The following NLRP7 variants were observed in gnomAD, a reference collection of about 807,000 sequenced individuals.
NLRP7 encodes NLR family pyrin domain containing 7, also known as NACHT, LRR and PYD domains-containing protein 7.
Under a neutral mutation model 85.5 loss-of-function variants are expected in NLRP7, and 72 were observed. The ratio of observed to expected loss-of-function variants is 0.84; its 90% CI spans 0.70 to 1.02. The LOEUF (loss-of-function observed/expected upper bound fraction) is 1.02, where lower values mean the gene tolerates loss of function less well. NLRP7 is among the 50% of genes least tolerant of loss of function. NLRP7 has a pLI of 0.00. For missense variants in NLRP7, 1,243 were observed against 1,219.5 expected (o/e 1.02, Z -0.29); for synonymous variants, 550 against 505.2 (o/e 1.09, Z -1.19).
upstream of NLRP7, among the ~76,000 whole-genome samples, chr19:54,949,275 A>T (rs986399649): frequency 1.3e-4 from 15 of 115,676 alleles, no homozygotes; most frequent in Admixed American, 5.9e-4. Flanking sequence ...CTCCATCTTT[A>T]AAAAAAAAAA....
intron 9 of NLRP7, among the ~76,000 whole-genome samples, chr19:54,926,354 A>C (rs938217756): frequency 6.6e-6 from 1 of 152,188 alleles, no homozygotes; most frequent in African/African-American, 2.4e-5. Flanking sequence ...GCATTTTAGA[A>C]AAGTATCTAA....
upstream of NLRP7, among the ~76,000 whole-genome samples, chr19:54,951,875 C>G (rs1326628100): frequency 2.0e-5 from 3 of 151,964 alleles, no homozygotes; most frequent in Non-Finnish European, 4.4e-5. Flanking sequence ...CTCAGCCTCC[C>G]GAATAGCTGG....
chr19:54,925,339 C>G (rs1300176469), intron 9 of NLRP7, among the ~76,000 whole-genome samples: 4 of 152,118 alleles, frequency 2.6e-5, no homozygotes, highest in African/African-American at 9.7e-5. Flanking sequence ...ACCCCTAAAA[C>G]CTTAACCCAT....
intron 3 of NLRP7, 103 bp downstream of exon 3, chr19:54,940,828 A>C: frequency 1.8e-6 from 1 of 565,554 alleles, no homozygotes; most frequent in Admixed American, 3.1e-5. Flanking sequence ...TTCCGTCTCA[A>C]AAAAAAAAAA....
At chr19:54,963,251 A>G (rs2070122255) in intron 1 of NLRP7, among the ~76,000 whole-genome samples, 1 of 151,846 alleles carries the variant, frequency 6.6e-6, no homozygotes, top group African/African-American at 2.4e-5. Context: ...ACAAAAATCT[A>G]GTCAGGCGTG....
upstream of NLRP7, among the ~76,000 whole-genome samples, chr19:54,949,236 C>A (rs549856330): frequency 6.6e-6 from 1 of 151,460 alleles, no homozygotes; most frequent in African/African-American, 2.4e-5. Context: ...CGAGATTGCA[C>A]CACTGCGCTC....
At position 54,934,011 on chromosome 19, in the gene NLRP7, C is replaced by T. The variant is rs142294470; in HGVS notation, c.2472-272G>A. ...AGGCTGGAGTGCAGTGGCGCGATCT[C>T]GGTTCACTGCCAATCGCCGCCTCCC... On this transcript the variant is annotated intron_variant, in intron 7 of 9. Coordinates refer to ENST00000340844, the Ensembl canonical transcript of NLRP7. This position sits in a 1 kb window ranked among gnomAD's most constrained non-coding sequence, Gnocchi z 6.7. Among the ~76,000 whole-genome samples the T allele has an allele frequency of 8.5e-3, 1,289 of 152,292 alleles. 18 individuals carry two copies. Among genetic ancestry groups the T allele is most frequent in the African/African-American group, 0.028 (1,169 of 41,572 alleles).
At chr19:54,951,987 C>T (rs1441883186), upstream of NLRP7, among the ~76,000 whole-genome samples, 1 of 152,014 alleles carries the variant, frequency 6.6e-6, no homozygotes, top group African/African-American at 2.4e-5. Flanking sequence ...CTCCTGACCT[C>T]GTGATCCTCC....
upstream of NLRP7, among the ~76,000 whole-genome samples, chr19:54,949,428 AAAC>A (rs1355810243): frequency 2.0e-5 from 3 of 152,156 alleles, no homozygotes; most frequent in African/African-American, 7.2e-5. Flanking sequence ...AAGAAAATAA[AAAC>A]AATAAAAATA....
chr19:54,941,040 A>G, intron 2 of NLRP7, 35 bp from the exon 3 acceptor site: 1 of 1,414,042 alleles, frequency 7.1e-7, no homozygotes, highest in Non-Finnish European at 1.0e-6. Flanking sequence ...TGACACAGTA[A>G]TTTACACTTC....
At chr19:54,928,429 G>T (rs922953522) in intron 9 of NLRP7, among the ~76,000 whole-genome samples, 2 of 152,104 alleles carry the variant, frequency 1.3e-5, no homozygotes, top group African/African-American at 4.8e-5. Flanking sequence ...CAGCATATTT[G>T]CTGGGGCTCC....
At chr19:54,940,897 C>G (rs371577322) in intron 3 of NLRP7, 34 bp downstream of exon 3, 128 of 1,355,110 alleles carry the variant, frequency 9.4e-5, no homozygotes, top group Non-Finnish European at 1.3e-4. Context: ...CTCTCAAACA[C>G]CAAACTCATG....
Position 54,938,583 on chromosome 19 carries a change from G to A in NLRP7, c.1931+305C>T, listed in dbSNP as rs567166033. The stretch of plus-strand genomic sequence containing the variant: ...CTACAAAAAAATAAAATAATTAACC[G>A]GGCAAGGTGGTGCACGCCCATAGTC... On this transcript the variant is annotated intron_variant, in intron 4 of 9. Transcript: ENST00000340844. Among the ~76,000 whole-genome samples, 16 of 152,216 alleles carry A rather than the reference G, an allele frequency of 1.1e-4. No individual in the cohort carries two copies. The South Asian group carries it at 3.3e-3, about 32-fold the overall frequency.
chr19:54,936,186 CT>C, intron 6 of NLRP7, 74 bp downstream of exon 6: 4 of 1,393,130 alleles, frequency 2.9e-6, no homozygotes, highest in South Asian at 1.2e-5. Flanking sequence ...AGTGGTTACC[CT>C]TTTTCCTAGA....
upstream of NLRP7, among the ~76,000 whole-genome samples, chr19:54,948,381 T>C (rs1013485663): frequency 4.6e-5 from 7 of 151,714 alleles, no homozygotes; most frequent in South Asian, 2.1e-4. Flanking sequence ...CAAGACTGTC[T>C]CAAAAACAAA....
intron 9 of NLRP7, 127 bp from the exon 11 acceptor site, chr19:54,923,999 G>GA: frequency 9.9e-7 from 1 of 1,009,880 alleles, no homozygotes; most frequent in Non-Finnish European, 1.5e-6. Flanking sequence ...ACAGGGTCTT[G>GA]CTCTGTTGCC....
rs1374969813 is a variant in NLRP7 at position 54,934,680 on chromosome 19, G to C, written c.2301-21C>G. 4 of 1,604,484 alleles carry C rather than the reference G, an allele frequency of 2.5e-6. No homozygotes were observed. The highest frequency in any genetic ancestry group is 8.5e-7 in the Non-Finnish European group (1 of 1,174,290). On this transcript the variant is annotated intron_variant, in intron 6 of 9. Coordinates refer to ENST00000340844, the Ensembl canonical transcript of NLRP7. The surrounding 1 kb of genome is among the most constrained non-coding windows in gnomAD (Gnocchi z 6.7). ...CCAACCTGTGAAAAGAGTGGGAAAA[G>C]TCATTCTTCTGGGAGGACAGAGTAT...
chr19:54,928,504 A>G (rs1299377792), intron 9 of NLRP7, among the ~76,000 whole-genome samples: 1 of 152,192 alleles, frequency 6.6e-6, no homozygotes, highest in Admixed American at 6.6e-5. Context: ...TTTTAGTGAC[A>G]GCAGACATCT....
chr19:54,958,305 G>A (rs2069924644), intron 1 of NLRP7, among the ~76,000 whole-genome samples: 1 of 152,036 alleles, frequency 6.6e-6, no homozygotes, highest in African/African-American at 2.4e-5. Context: ...AAATAAAGTG[G>A]CTAGGTAAAA....
Sources: allele counts gnomAD v4.1 joint callset (sites outside exome capture counted in the v4.1 genomes callset), GRCh38; gene constraint gnomAD v4.1.1; non-coding constraint Gnocchi (gnomAD v3.1); transcripts MANE v1.5; gene names NCBI Gene and HGNC (gene_info 2026-07-23, HGNC 2026-07-21).